PRICKLE1: variants seen among roughly 807,000 people sequenced by gnomAD.
PRICKLE1 encodes prickle-like protein 1.
A neutral mutation model predicts 70.2 loss-of-function variants in PRICKLE1; 14 were observed. That is an observed-to-expected ratio of 0.20 (90% CI 0.13 to 0.31). The LOEUF is 0.31. Among genes scored for constraint, PRICKLE1 ranks in the 10% least tolerant of loss-of-function variants. The pLI is 1.00. For missense variants in PRICKLE1, 821 were observed against 1,026.2 expected (o/e 0.80, Z 2.73); for synonymous variants, 357 against 379.9 (o/e 0.94, Z 0.70).
At chr12:42,564,886 T>C (rs1940595972) in intron 1 of PRICKLE1, among the ~76,000 whole-genome samples, 2 of 152,200 alleles carry the variant, frequency 1.3e-5, no homozygotes, top group African/African-American at 2.4e-5. Flanking sequence ...AACTCAATTA[T>C]TGCAAAAGGG....
At chr12:42,465,314 G>C in intron 6 of PRICKLE1, 56 bp from the exon 7 acceptor site, 1 of 1,562,690 alleles carries the variant, frequency 6.4e-7, no homozygotes, top group South Asian at 1.1e-5. Flanking sequence ...CTGAAACAAG[G>C]TATAAGGAAG....
At chr12:42,525,592 T>C (rs1939786877) in intron 1 of PRICKLE1, among the ~76,000 whole-genome samples, 2 of 152,188 alleles carry the variant, frequency 1.3e-5, no homozygotes, top group Admixed American at 6.6e-5. Context: ...TGGTGGCCAC[T>C]GCAGAACTGA....
At chr12:42,585,889 G>C in intron 1 of PRICKLE1, among the ~76,000 whole-genome samples, 1 of 152,156 alleles carries the variant, frequency 6.6e-6, no homozygotes, top group East Asian at 1.9e-4. Context: ...TCAGAGGCTT[G>C]GGGCTGCTCC....
At chr12:42,473,627 CA>C (rs1183106008) in intron 1 of PRICKLE1, among the ~76,000 whole-genome samples, 1 of 151,950 alleles carries the variant, frequency 6.6e-6, no homozygotes, top group Non-Finnish European at 1.5e-5. Flanking sequence ...CTTTCACCCA[CA>C]AAAAAATGAT....
chr12:42,521,930 GT>G (rs1939715433), intron 1 of PRICKLE1, among the ~76,000 whole-genome samples: 3 of 2,014 alleles, frequency 1.5e-3, no homozygotes, highest in Non-Finnish European at 2.4e-3. Context: ...TTTGTTTTTG[GT>G]GTGTGTGTGT....
chr12:42,581,656 AG>A (rs1235596836), intron 1 of PRICKLE1, among the ~76,000 whole-genome samples: 2 of 151,772 alleles, frequency 1.3e-5, no homozygotes, highest in Non-Finnish European at 2.9e-5. Flanking sequence ...CTGAGACAGG[AG>A]AATCTCTTGA....
intron 1 of PRICKLE1, among the ~76,000 whole-genome samples, chr12:42,585,717 AT>A (rs1271635993): frequency 6.6e-6 from 1 of 152,068 alleles, no homozygotes; most frequent in Admixed American, 6.5e-5. Flanking sequence ...TCCCCATACA[AT>A]TTTAGGCCAG....
intron 4 of PRICKLE1, 151 bp downstream of exon 4, chr12:42,469,299 T>C: frequency 1.2e-6 from 1 of 846,164 alleles, no homozygotes; most frequent in Admixed American, 2.0e-5. Context: ...TGAAACATGA[T>C]TTGCTATTTA....
chr12:42,583,386 C>T (rs559473919), intron 1 of PRICKLE1, among the ~76,000 whole-genome samples: 1 of 152,204 alleles, frequency 6.6e-6, no homozygotes, highest in East Asian at 1.9e-4. Flanking sequence ...AAATTTCCTC[C>T]AAGAAGGTTT....
intron 1 of PRICKLE1, among the ~76,000 whole-genome samples, chr12:42,558,549 C>G (rs1422992948): frequency 3.3e-5 from 5 of 152,262 alleles, no homozygotes; most frequent in Admixed American, 3.3e-4. Context: ...CAACAGGACC[C>G]TGCTTGCCTG....
chr12:42,460,371 A>G lies in PRICKLE1; in HGVS notation c.1934T>C (p.Ile645Thr), dbSNP rs1566076433. The change falls in exon 8 of 8, where the codon ATT becomes ACT. Residue 645 changes from isoleucine to threonine, a missense_variant. Coordinates refer to ENST00000345127, the MANE Select transcript of PRICKLE1 (RefSeq NM_153026.3). ...ACTCATCGGAGGCTGCCGGATTTCA[A>G]TGTCATAGTTCCCATTGTCAATGAC... ...DDVIDNGNYD[I>T]EIRQPPMSER... The G allele has an allele frequency of 1.2e-6, 2 of 1,614,090 alleles. No homozygotes were observed. Among genetic ancestry groups the G allele is most frequent in the East Asian group, 2.2e-5 (1 of 44,884 alleles).
chr12:42,484,842 TC>T (rs1938943734), intron 1 of PRICKLE1, among the ~76,000 whole-genome samples: 2 of 152,228 alleles, frequency 1.3e-5, no homozygotes, highest in South Asian at 4.1e-4. Context: ...AGATTAGTAC[TC>T]ATCAGTAGAG....
chr12:42,559,295 GCACCTT>G (rs1463227223), intron 1 of PRICKLE1, among the ~76,000 whole-genome samples: 3 of 152,072 alleles, frequency 2.0e-5, no homozygotes, highest in African/African-American at 7.2e-5. Context: ...ATGCTTAACT[GCACCTT>G]CCTAATTAAC....
At chr12:42,541,969 T>C (rs1053135742) in intron 1 of PRICKLE1, among the ~76,000 whole-genome samples, 1 of 150,000 alleles carries the variant, frequency 6.7e-6, no homozygotes, top group African/African-American at 2.5e-5. Context: ...ATTTGTGTAG[T>C]CCTTTCAAGT....
chr12:42,553,212 G>A (rs1360915677), intron 1 of PRICKLE1, among the ~76,000 whole-genome samples: 2 of 152,054 alleles, frequency 1.3e-5, no homozygotes, highest in African/African-American at 4.8e-5. Flanking sequence ...GGAGACCGAG[G>A]CGGGCGGATC....
intron 1 of PRICKLE1, among the ~76,000 whole-genome samples, chr12:42,574,499 G>A (rs1248916668): frequency 3.9e-5 from 6 of 152,190 alleles, no homozygotes; most frequent in African/African-American, 1.4e-4. Flanking sequence ...CTTTGAAATT[G>A]GCATGTTCAG....
intron 3 of PRICKLE1, chr12:42,469,942 A>AT (rs1938249362): frequency 2.0e-6 from 1 of 491,004 alleles, no homozygotes; most frequent in South Asian, 2.1e-5. Flanking sequence ...GCAGGCCTGA[A>AT]TGACCATAAA....
intron 1 of PRICKLE1, among the ~76,000 whole-genome samples, chr12:42,539,947 A>G (rs887193111): frequency 6.6e-6 from 1 of 152,212 alleles, no homozygotes; most frequent in Non-Finnish European, 1.5e-5. Flanking sequence ...AGAATACTTG[A>G]TATCTCTCCC....
chr12:42,586,522 T>C (rs1940990053), intron 1 of PRICKLE1, among the ~76,000 whole-genome samples: 2 of 152,272 alleles, frequency 1.3e-5, no homozygotes, highest in African/African-American at 2.4e-5. Flanking sequence ...AGCTTTCCTG[T>C]CTTTCTTTAA....
Sources: gnomAD v4.1 joint callset for allele counts (sites outside exome capture counted in the v4.1 genomes callset) on GRCh38, gnomAD v4.1.1 for gene constraint, MANE v1.5 for transcripts, NCBI Gene and HGNC (gene_info 2026-07-23, HGNC 2026-07-21) for gene names.